NUP205: variants seen among roughly 807,000 people sequenced by gnomAD.
NUP205 encodes the protein nucleoporin 205.
In NUP205, 76 loss-of-function variants were observed where a neutral mutation model predicts 253.8. The ratio of observed to expected loss-of-function variants is 0.30; its 90% CI spans 0.25 to 0.36. The LOEUF is 0.36. NUP205 is among the 10% of genes least tolerant of loss of function. NUP205 has a pLI of 1.00. For synonymous variants in NUP205, 832 were observed against 850.1 expected, an observed-to-expected ratio of 0.98 and a Z score of 0.37; for missense variants, 2,162 against 2,425.5, an observed-to-expected ratio of 0.89 and a Z score of 2.28.
Position 135,597,424 on chromosome 7 carries a change from G to A in NUP205, c.2064+6G>A, listed in dbSNP as rs201056558. ...GGCAAGCTATTGGTATTGAGGTAAA[G>A]TTTTCCTTTTAGTTTAAATGTTAAT... On this transcript the variant is annotated splice_donor_region_variant and intron_variant, in intron 14 of 42. Transcript: ENST00000285968. The A allele has an allele frequency of 1.3e-4, 201 of 1,593,124 alleles. No individual in the cohort carries two copies. Among genetic ancestry groups the A allele is most frequent in the Non-Finnish European group, 1.6e-4 (187 of 1,161,096 alleles).
chr7:135,567,425 C>CAAA (rs760535798), intron 1 of NUP205, among the ~76,000 whole-genome samples: 4 of 65,018 alleles, frequency 6.2e-5, no homozygotes, highest in Non-Finnish European at 1.1e-4. Context: ...CTGTCTATAC[C>CAAA]AAAAAAAAAA....
At chr7:135,618,385 C>T in intron 27 of NUP205, 27 bp from the exon 28 acceptor site, 4 of 1,600,736 alleles carry the variant, frequency 2.5e-6, no homozygotes, top group Non-Finnish European at 3.4e-6. Flanking sequence ...CCTGTTTAAC[C>T]TTGTGATTCA....
intron 24 of NUP205, 39 bp from the exon 25 acceptor site, chr7:135,616,616 T>C (rs764177186): frequency 8.3e-7 from 1 of 1,210,904 alleles, no homozygotes; most frequent in Non-Finnish European, 1.2e-6. Flanking sequence ...AAGAGTATGT[T>C]CTTCTTTTTC....
At chr7:135,600,176 T>G (rs781489634) in intron 15 of NUP205, among the ~76,000 whole-genome samples, 4 of 152,230 alleles carry the variant, frequency 2.6e-5, no homozygotes, top group Non-Finnish European at 5.9e-5. Flanking sequence ...AACAAAGTTT[T>G]AATTTTACTG....
At chr7:135,576,871 G>C in intron 4 of NUP205, 98 bp from the exon 5 acceptor site, 1 of 1,115,134 alleles carries the variant, frequency 9.0e-7, no homozygotes, top group Non-Finnish European at 1.3e-6. Context: ...GACAGAGCAA[G>C]GCCCTGTCTC....
intron 12 of NUP205, among the ~76,000 whole-genome samples, chr7:135,593,802 A>G (rs574414959): frequency 6.6e-6 from 1 of 152,312 alleles, no homozygotes; most frequent in African/African-American, 2.4e-5. Context: ...GTTATTAACT[A>G]TTTCTCACTG....
At chr7:135,562,373 A>T (rs761879218) in intron 1 of NUP205, among the ~76,000 whole-genome samples, 6 of 145,798 alleles carry the variant, frequency 4.1e-5, no homozygotes, top group African/African-American at 5.1e-5. Flanking sequence ...AATTTTTGTA[A>T]TTTTAGTAGA....
intron 33 of NUP205, among the ~76,000 whole-genome samples, chr7:135,626,939 T>C (rs1209460135): frequency 2.6e-5 from 4 of 152,230 alleles, no homozygotes; most frequent in African/African-American, 9.6e-5. Context: ...TTAGTAATTG[T>C]TTTAAAAGGA....
chr7:135,570,130 A>C (rs1316786658), intron 1 of NUP205, among the ~76,000 whole-genome samples: 5 of 150,276 alleles, frequency 3.3e-5, no homozygotes, highest in African/African-American at 1.2e-4. Flanking sequence ...CCCTTGTTCC[A>C]GTAGACATAG....
intron 7 of NUP205, among the ~76,000 whole-genome samples, chr7:135,584,403 A>G (rs561433890): frequency 2.0e-5 from 3 of 152,320 alleles, no homozygotes; most frequent in African/African-American, 7.2e-5. Flanking sequence ...TTGGTTACCA[A>G]ATTAGCACAG....
At chr7:135,599,017 C>CG in intron 15 of NUP205, 1 of 151,954 alleles carries the variant, frequency 6.6e-6, no homozygotes, top group South Asian at 2.1e-4. Context: ...TGGTAGTTGG[C>CG]GCAGATCAAG....
chr7:135,564,833 T>C (rs574044650), intron 1 of NUP205, among the ~76,000 whole-genome samples: 1 of 151,898 alleles, frequency 6.6e-6, no homozygotes, highest in Admixed American at 6.6e-5. Context: ...AGTGGTGCGC[T>C]CTTGGCTCAC....
intron 7 of NUP205, among the ~76,000 whole-genome samples, chr7:135,582,317 T>A (rs760309655): frequency 1.2e-4 from 19 of 152,166 alleles, no homozygotes; most frequent in Non-Finnish European, 2.2e-4. Flanking sequence ...TTTGAGTTGA[T>A]TCTCTTTTAA....
At chr7:135,610,694 A>C (rs748607724) in intron 22 of NUP205, among the ~76,000 whole-genome samples, 1 of 152,198 alleles carries the variant, frequency 6.6e-6, no homozygotes, top group Non-Finnish European at 1.5e-5. Context: ...TATACTCCCT[A>C]TACCTATATG....
chr7:135,645,328 A>G, intron 40 of NUP205, 140 bp from the exon 41 acceptor site: 1 of 918,600 alleles, frequency 1.1e-6, no homozygotes, highest in Non-Finnish European at 1.7e-6. Flanking sequence ...AGGAGCCTTC[A>G]GTGAGACCCT....
chr7:135,634,889 A>G (rs1415561891), intron 35 of NUP205, among the ~76,000 whole-genome samples: 5 of 152,322 alleles, frequency 3.3e-5, no homozygotes, highest in South Asian at 2.1e-4. Context: ...TATGGAGTCT[A>G]TGCTTGGAAG....
At position 135,604,872 on chromosome 7, in the gene NUP205, C is replaced by T. The variant is rs185973166; in HGVS notation, c.2823+412C>T. 9.8e-4 allele frequency among the ~76,000 whole-genome samples: 149 copies of T among 152,310 alleles called. 1 individual carries two copies. The highest frequency in any genetic ancestry group is 1.8e-3 in the Non-Finnish European group (124 of 68,034). On this transcript the variant is annotated intron_variant, in intron 19 of 42. Coordinates refer to ENST00000285968, the MANE Select transcript of NUP205 (RefSeq NM_015135.3). ...CTTCACTGGTTTTCTTGTGATCCAC[C>T]TGTGTGTCACTTCATTTGATGACAC...
intron 2 of NUP205, among the ~76,000 whole-genome samples, chr7:135,572,260 C>A (rs770163961): frequency 1.3e-5 from 2 of 152,104 alleles, no homozygotes; most frequent in Non-Finnish European, 2.9e-5. Flanking sequence ...TATTTGAAGA[C>A]TATTTAAGAA....
chr7:135,645,662 G>GTT, intron 41 of NUP205, 66 bp downstream of exon 41: 2 of 1,479,212 alleles, frequency 1.4e-6, no homozygotes, highest in Admixed American at 2.2e-5. Context: ...GCTAGTACCA[G>GTT]TTTTTTTTTA....
Sources: gnomAD v4.1 joint callset for allele counts (sites outside exome capture counted in the v4.1 genomes callset) on GRCh38, gnomAD v4.1.1 for gene constraint, MANE v1.5 for transcripts, NCBI Gene and HGNC (gene_info 2026-07-23, HGNC 2026-07-21) for gene names.